AKAP6: variants seen among roughly 807,000 people sequenced by gnomAD.
AKAP6 encodes the protein A-kinase anchor protein 6.
A neutral mutation model predicts 188.5 loss-of-function variants in AKAP6; 58 were observed. That is an observed-to-expected ratio of 0.31 (90% CI 0.25 to 0.38). AKAP6 has a LOEUF of 0.38. Ranked by LOEUF, AKAP6 falls within the 10% of genes least tolerant of loss-of-function variation. AKAP6 has a pLI of 1.00. For missense variants in AKAP6, 2,710 were observed against 2,740.0 expected, an observed-to-expected ratio of 0.99 and a Z score of 0.24; for synonymous variants, 989 against 998.6, an observed-to-expected ratio of 0.99 and a Z score of 0.18.
chr14:32,653,524 T>G (rs1243389461), intron 7 of AKAP6, among the ~76,000 whole-genome samples: 3 of 152,142 alleles, frequency 2.0e-5, no homozygotes, highest in Non-Finnish European at 4.4e-5. Flanking sequence ...TCTTCCACCA[T>G]GATTGTAAGT....
At chr14:32,604,362 T>G (rs1316008986) in intron 7 of AKAP6, among the ~76,000 whole-genome samples, 3 of 152,116 alleles carry the variant, frequency 2.0e-5, no homozygotes, top group African/African-American at 7.2e-5. Flanking sequence ...ACTAGTTCTC[T>G]CTCCACAATC....
intron 9 of AKAP6, among the ~76,000 whole-genome samples, chr14:32,697,067 TA>T (rs1268306471): frequency 6.6e-6 from 1 of 152,182 alleles, no homozygotes; most frequent in African/African-American, 2.4e-5. Context: ...TTCTAGTTTT[TA>T]AAAATTTCTT....
At chr14:32,724,589 G>A (rs2030747860) in intron 9 of AKAP6, among the ~76,000 whole-genome samples, 1 of 152,138 alleles carries the variant, frequency 6.6e-6, no homozygotes, top group Non-Finnish European at 1.5e-5. Context: ...TTCTATACAA[G>A]TTGACACTCA....
At chr14:32,738,835 C>T (rs1382656630) in intron 11 of AKAP6, among the ~76,000 whole-genome samples, 1 of 152,132 alleles carries the variant, frequency 6.6e-6, no homozygotes, top group Admixed American at 6.6e-5. Context: ...AATTACTCAG[C>T]TCTGCCATCA....
chr14:32,352,079 G>C (rs1447867827), intron 1 of AKAP6, among the ~76,000 whole-genome samples: 1 of 108,532 alleles, frequency 9.2e-6, no homozygotes, highest in East Asian at 2.9e-4. Context: ...CCCTGTGTGT[G>C]TGTGTGTGTG....
chr14:32,512,214 T>C (rs2139027722), intron 2 of AKAP6, among the ~76,000 whole-genome samples: 1 of 152,304 alleles, frequency 6.6e-6, no homozygotes, highest in South Asian at 2.1e-4. Flanking sequence ...TTGATATTTA[T>C]ATTTACTCAG....
intron 2 of AKAP6, among the ~76,000 whole-genome samples, chr14:32,524,964 G>A (rs1460244918): frequency 2.0e-5 from 3 of 152,128 alleles, no homozygotes; most frequent in Admixed American, 2.0e-4. Context: ...ACACTGCAAG[G>A]TAAGAACCAC....
At chr14:32,501,513 C>T (rs1880608102) in intron 2 of AKAP6, among the ~76,000 whole-genome samples, 1 of 152,170 alleles carries the variant, frequency 6.6e-6, no homozygotes, top group South Asian at 2.1e-4. Context: ...GTATTTAGTC[C>T]ATATGACCTG....
intron 1 of AKAP6, among the ~76,000 whole-genome samples, chr14:32,338,792 T>C (rs1886798772): frequency 6.6e-6 from 1 of 152,160 alleles, no homozygotes; most frequent in African/African-American, 2.4e-5. Context: ...TGAAATGAAG[T>C]ATTTTATGTA....
chr14:32,800,793 T>C (rs544773560), intron 12 of AKAP6, among the ~76,000 whole-genome samples: 1 of 152,198 alleles, frequency 6.6e-6, no homozygotes, highest in Admixed American at 6.6e-5. Flanking sequence ...AGTGTCCAGA[T>C]TGCTTGAGCT....
At position 32,335,628 on chromosome 14, in the gene AKAP6, A is replaced by C. The variant is rs113515823; in HGVS notation, c.-35+6220A>C. The stretch of plus-strand genomic sequence containing the variant: ...TGAAGATATTTGGTAGGTGAGGTTT[A>C]TTTGTCACCACCATTGCTTTCAGGG... On this transcript the variant is annotated intron_variant, in intron 1 of 13. Coordinates refer to ENST00000280979, the MANE Select transcript of AKAP6 (RefSeq NM_004274.5). Among the ~76,000 whole-genome samples the C allele has an allele frequency of 6.4e-3, 968 of 152,246 alleles. 9 individuals are homozygous for C. The highest frequency in any genetic ancestry group is 0.013 in the Admixed American group (201 of 15,282).
chr14:32,632,638 C>G (rs963494048), intron 7 of AKAP6, among the ~76,000 whole-genome samples: 1 of 151,908 alleles, frequency 6.6e-6, no homozygotes, highest in Non-Finnish European at 1.5e-5. Flanking sequence ...AAAAGGGGAT[C>G]AAAAATCTGG....
intron 2 of AKAP6, among the ~76,000 whole-genome samples, chr14:32,441,651 A>G (rs916960327): frequency 6.8e-6 from 1 of 147,752 alleles, no homozygotes; most frequent in African/African-American, 2.7e-5. Context: ...GGTTCCTGGC[A>G]CATTATCGCA....
At chr14:32,661,425 A>G (rs903579662) in intron 7 of AKAP6, among the ~76,000 whole-genome samples, 1 of 152,100 alleles carries the variant, frequency 6.6e-6, no homozygotes, top group Non-Finnish European at 1.5e-5. Context: ...CACGGTAATC[A>G]GAGTGTGCAG....
chr14:32,358,022 C>T (rs192438887), intron 1 of AKAP6, among the ~76,000 whole-genome samples: 23 of 152,346 alleles, frequency 1.5e-4, no homozygotes, highest in African/African-American at 5.1e-4. Context: ...AGCTAACTTT[C>T]AGCACATCCA....
intron 12 of AKAP6, among the ~76,000 whole-genome samples, chr14:32,799,622 T>A (rs1036977193): frequency 4.6e-5 from 7 of 152,206 alleles, no homozygotes; most frequent in African/African-American, 1.7e-4. Context: ...AATTTTCAGC[T>A]ACTTTTCTGT....
At chr14:32,462,680 A>T (rs556588317) in intron 2 of AKAP6, among the ~76,000 whole-genome samples, 1 of 152,118 alleles carries the variant, frequency 6.6e-6, no homozygotes, top group African/African-American at 2.4e-5. Context: ...AATATGCAAA[A>T]TAACCAGCTA....
rs530343123 is a variant in AKAP6 at position 32,817,099 on chromosome 14, A to G, written c.3589-4303A>G. 6.6e-5 allele frequency among the ~76,000 whole-genome samples: 10 copies of G among 152,252 alleles called. No individual in the cohort carries two copies. The East Asian group carries it at 1.9e-3, about 29-fold the overall frequency. Reference sequence around the variant, plus strand: ...TCTCTATTAGGTTATTGTTTTGTAGACTGTCGAGTTCCTTTATCTTTACTC... The same window carrying G: ...TCTCTATTAGGTTATTGTTTTGTAGGCTGTCGAGTTCCTTTATCTTTACTC... On this transcript the variant is annotated intron_variant, in intron 12 of 13. Transcript: ENST00000280979.
chr14:32,464,641 A>G (rs1878295149), intron 2 of AKAP6, among the ~76,000 whole-genome samples: 2 of 152,218 alleles, frequency 1.3e-5, no homozygotes, highest in Non-Finnish European at 2.9e-5. Flanking sequence ...CCAACATCAT[A>G]CTGAATGGGC....
Sources: allele counts gnomAD v4.1 joint callset (sites outside exome capture counted in the v4.1 genomes callset), GRCh38; gene constraint gnomAD v4.1.1; transcripts MANE v1.5; gene names NCBI Gene and HGNC (gene_info 2026-07-23, HGNC 2026-07-21).